INPP4B: variants seen among roughly 807,000 people sequenced by gnomAD.
INPP4B encodes inositol polyphosphate 4-phosphatase type II.
INPP4B carries 55 observed loss-of-function variants against 122.5 expected under a neutral mutation model. The observed-to-expected ratio is 0.45, with a 90% CI of 0.36 to 0.56. The LOEUF (loss-of-function observed/expected upper bound fraction) is 0.56. Among genes scored for constraint, INPP4B ranks in the 20% least tolerant of loss-of-function variants. INPP4B has a pLI of 0.00. For missense variants in INPP4B, 1,000 were observed against 1,097.7 expected (o/e 0.91, Z 1.26); for synonymous variants, 403 against 388.7 (o/e 1.04, Z -0.43).
intron 1 of INPP4B, among the ~76,000 whole-genome samples, chr4:142,836,737 C>T (rs1782827824): frequency 6.6e-6 from 1 of 151,944 alleles, no homozygotes; most frequent in Non-Finnish European, 1.5e-5. Context: ...CACACACACA[C>T]ACACACACAA....
At chr4:142,393,004 G>A (rs1798229237) in intron 7 of INPP4B, among the ~76,000 whole-genome samples, 1 of 152,120 alleles carries the variant, frequency 6.6e-6, no homozygotes, top group African/African-American at 2.4e-5. Flanking sequence ...TCTCCCTGGT[G>A]TGCTGTATTC....
intron 7 of INPP4B, among the ~76,000 whole-genome samples, chr4:142,389,996 A>C (rs1446583325): frequency 1.3e-5 from 2 of 152,202 alleles, no homozygotes; most frequent in Admixed American, 1.3e-4. Flanking sequence ...ACACTGGCTA[A>C]AGTTAAAGGG....
chr4:142,791,137 T>C (rs1419036586), intron 1 of INPP4B, among the ~76,000 whole-genome samples: 2 of 151,960 alleles, frequency 1.3e-5, no homozygotes, highest in East Asian at 3.9e-4. Context: ...AGAAAGGAAA[T>C]AGAGATAGAG....
intron 9 of INPP4B, among the ~76,000 whole-genome samples, chr4:142,294,731 C>T (rs1288464494): frequency 2.1e-5 from 3 of 144,748 alleles, no homozygotes; most frequent in South Asian, 2.2e-4. Context: ...AAGAGGTGGT[C>T]AGGATTGAGA....
At chr4:142,516,776 T>C (rs1447117100) in intron 2 of INPP4B, among the ~76,000 whole-genome samples, 11 of 151,634 alleles carry the variant, frequency 7.3e-5, no homozygotes, top group African/African-American at 2.2e-4. Context: ...TTTTTTTTTT[T>C]CCCCCAGTCA....
intron 2 of INPP4B, among the ~76,000 whole-genome samples, chr4:142,506,615 G>A (rs1824058766): frequency 6.6e-6 from 1 of 152,094 alleles, no homozygotes; most frequent in Non-Finnish European, 1.5e-5. Context: ...TGGAGTATGA[G>A]GGAAAAGGAA....
At chr4:142,789,042 G>C (rs777976419) in intron 1 of INPP4B, among the ~76,000 whole-genome samples, 1 of 152,050 alleles carries the variant, frequency 6.6e-6, no homozygotes, top group Non-Finnish European at 1.5e-5. Flanking sequence ...CATCGCTTTA[G>C]ATTAAAACTC....
chr4:142,479,798 G>A (rs1409996346), intron 2 of INPP4B, among the ~76,000 whole-genome samples: 1 of 152,104 alleles, frequency 6.6e-6, no homozygotes, highest in Non-Finnish European at 1.5e-5. Flanking sequence ...AGATACTGGG[G>A]CCTATTTGAG....
At chr4:142,787,103 ATCTTC>A in intron 1 of INPP4B, among the ~76,000 whole-genome samples, 1 of 152,214 alleles carries the variant, frequency 6.6e-6, no homozygotes, top group South Asian at 2.1e-4. Context: ...TCTCTGTACT[ATCTTC>A]TCAATTTTGT....
chr4:142,298,428 T>C (rs1166623113), intron 9 of INPP4B, among the ~76,000 whole-genome samples: 1 of 151,328 alleles, frequency 6.6e-6, no homozygotes, highest in East Asian at 1.9e-4. Context: ...GGCTCACACC[T>C]GTAACCCCAG....
At chr4:142,700,571 T>A (rs1330219973) in intron 2 of INPP4B, among the ~76,000 whole-genome samples, 2 of 152,156 alleles carry the variant, frequency 1.3e-5, no homozygotes, top group African/African-American at 4.8e-5. Flanking sequence ...CTTCATTCCA[T>A]CTTTTGGGAA....
chr4:142,728,071 A>G (rs766231377), intron 1 of INPP4B, among the ~76,000 whole-genome samples: 6 of 152,210 alleles, frequency 3.9e-5, no homozygotes, highest in African/African-American at 7.2e-5. Flanking sequence ...GGAAGTCCAC[A>G]TTAACGTAAG....
intron 2 of INPP4B, among the ~76,000 whole-genome samples, chr4:142,494,297 T>C (rs1285332126): frequency 1.3e-5 from 2 of 152,200 alleles, no homozygotes; most frequent in Admixed American, 6.5e-5. Flanking sequence ...CTTCTAATTG[T>C]TATTAATGTG....
chr4:142,778,868 A>T (rs766169189), intron 1 of INPP4B, among the ~76,000 whole-genome samples: 17 of 152,070 alleles, frequency 1.1e-4, no homozygotes, highest in Non-Finnish European at 2.1e-4. Flanking sequence ...GACCATGTAA[A>T]ATCTCATGTA....
At chr4:142,671,314 A>G (rs1337524126) in intron 2 of INPP4B, among the ~76,000 whole-genome samples, 1 of 152,164 alleles carries the variant, frequency 6.6e-6, no homozygotes, top group African/African-American at 2.4e-5. Flanking sequence ...AATTACATAC[A>G]ACCTTTTCAG....
intron 11 of INPP4B, among the ~76,000 whole-genome samples, chr4:142,247,410 A>G (rs1340806764): frequency 6.6e-6 from 1 of 152,140 alleles, no homozygotes; most frequent in Admixed American, 6.5e-5. Context: ...TTGGCTATGA[A>G]TCAGACTGAT....
intron 25 of INPP4B, among the ~76,000 whole-genome samples, chr4:142,069,432 C>A (rs889036271): frequency 6.6e-6 from 1 of 152,034 alleles, no homozygotes; most frequent in Non-Finnish European, 1.5e-5. Flanking sequence ...ACTTGAGAAG[C>A]AAGAGCAAAC....
intron 17 of INPP4B, among the ~76,000 whole-genome samples, chr4:142,157,979 C>G (rs994780808): frequency 6.6e-6 from 1 of 152,062 alleles, no homozygotes; most frequent in Non-Finnish European, 1.5e-5. Context: ...GGAGAAGTGC[C>G]TGCTCTTCCA....
chr4:142,771,390 C>G (rs933301719), intron 1 of INPP4B, among the ~76,000 whole-genome samples: 5 of 152,070 alleles, frequency 3.3e-5, no homozygotes, highest in African/African-American at 1.2e-4. Flanking sequence ...AGAAGTTTCT[C>G]TGGCAAATGT....
Sources: allele counts gnomAD v4.1 joint callset (sites outside exome capture counted in the v4.1 genomes callset), GRCh38; gene constraint gnomAD v4.1.1; transcripts MANE v1.5; gene names NCBI Gene and HGNC (gene_info 2026-07-23, HGNC 2026-07-21).